Variants in MYLK4 observed in about 807,000 individuals in gnomAD.
The protein encoded by MYLK4 is caMLCK like.
In MYLK4, 46 loss-of-function variants were observed where a neutral mutation model predicts 48.1. The observed-to-expected ratio is 0.96, with a 90% CI of 0.75 to 1.22. MYLK4 has a LOEUF of 1.22. MYLK4 is among the 50% of genes most tolerant of loss of function. The probability of loss-of-function intolerance (pLI) is 0.00; values close to 1 mark genes in which losing one functional copy is unlikely to be tolerated. For missense variants in MYLK4, 451 were observed against 486.1 expected (o/e 0.93, Z 0.68); for synonymous variants, 170 against 180.8 (o/e 0.94, Z 0.48).
In MYLK4 at chr6:2,685,446, G is replaced by A. The variant is rs755560165; in HGVS notation, c.435+37C>T. 20 of 1,604,932 alleles carry A rather than the reference G, an allele frequency of 1.2e-5. No individual in the cohort carries two copies. Among genetic ancestry groups the A allele is most frequent in the Non-Finnish European group, 1.4e-5 (16 of 1,172,092 alleles). ...CAGTGCATTAGTGTGGTCAAGATGG[G>A]GCGGGGAGGGAGGGGACCACCTCCC... On this transcript the variant is annotated intron_variant, in intron 5 of 12. Coordinates refer to ENST00000274643, the MANE Select transcript of MYLK4 (RefSeq NM_001012418.5). The surrounding 1 kb of genome is among the most constrained non-coding windows in gnomAD (Gnocchi z 4.5).
chr6:2,764,877 C>CAA, the MYLK4 span, among the ~76,000 whole-genome samples: 5 of 152,180 alleles, frequency 3.3e-5, no homozygotes, highest in African/African-American at 1.2e-4. Context: ...TTCTTTCACT[C>CAA]GCGTACTTGT....
the MYLK4 span, among the ~76,000 whole-genome samples, chr6:2,763,808 C>G: frequency 1.3e-5 from 2 of 151,962 alleles, no homozygotes; most frequent in African/African-American, 4.8e-5. Flanking sequence ...ACTGAGAGGG[C>G]TGCCAGAATG....
chr6:2,767,727 G>A, the MYLK4 span, among the ~76,000 whole-genome samples: 2 of 152,212 alleles, frequency 1.3e-5, no homozygotes, highest in South Asian at 2.1e-4. Flanking sequence ...CAGACAGCAA[G>A]AAGGTCCTTA....
chr6:2,713,389 A>AG (rs1397901264), intron 2 of MYLK4, among the ~76,000 whole-genome samples: 17 of 11,280 alleles, frequency 1.5e-3, no homozygotes, highest in Non-Finnish European at 2.6e-3. Flanking sequence ...AAAAAAAAAG[A>AG]AAAAAAGAAA....
the MYLK4 span, chr6:2,768,844 T>C: frequency 6.2e-7 from 1 of 1,613,352 alleles, no homozygotes; most frequent in East Asian, 2.2e-5. Context: ...AACCATCCTT[T>C]TTATTGATGA....
intron 2 of MYLK4, among the ~76,000 whole-genome samples, chr6:2,727,014 G>A (rs1763303065): frequency 6.6e-6 from 1 of 152,196 alleles, no homozygotes; most frequent in African/African-American, 2.4e-5. Flanking sequence ...GATCAGTTTT[G>A]TGACACAAAA....
At chr6:2,712,279 C>T (rs978581622) in intron 2 of MYLK4, among the ~76,000 whole-genome samples, 5 of 152,194 alleles carry the variant, frequency 3.3e-5, no homozygotes, top group South Asian at 4.1e-4. Flanking sequence ...TGTCCATCAA[C>T]GGCAGTCACC....
rs1220915321 is a variant in MYLK4 at position 2,667,269 on chromosome 6, C to T, written c.*656G>A. On this transcript the variant is annotated 3_prime_UTR_variant, in exon 13 of 13. Coordinates refer to ENST00000274643, the MANE Select transcript of MYLK4 (RefSeq NM_001012418.5). ...TCAGCTACATGGAAGAAAACGCACG[C>T]TGGGGACAATTCAGAATAAATGAAA... The T allele has an allele frequency of 1.3e-5, 2 of 152,200 alleles. No individual in the cohort carries two copies. Among genetic ancestry groups the T allele is most frequent in the Admixed American group, 6.5e-5 (1 of 15,290 alleles). 9.4% of individuals were successfully genotyped at this position (152,200 alleles called of 1,614,324 possible).
At chr6:2,765,779 G>A in the MYLK4 span, 1 of 1,443,120 alleles carries the variant, frequency 6.9e-7, no homozygotes, top group Non-Finnish European at 9.1e-7. Flanking sequence ...GCCCGCGGCC[G>A]GGTCGCACCG....
At chr6:2,742,279 G>A (rs56741664) in intron 2 of MYLK4, among the ~76,000 whole-genome samples, 2,692 of 152,262 alleles carry the variant, frequency 0.018, 75 homozygotes, top group African/African-American at 0.062. Flanking sequence ...AGAGCTCTCC[G>A]ACTTCTGAAC....
intron 2 of MYLK4, among the ~76,000 whole-genome samples, chr6:2,746,266 C>CAAAAAAAG (rs138621357): frequency 2.7e-5 from 4 of 146,044 alleles, no homozygotes; most frequent in South Asian, 2.2e-4. Flanking sequence ...GACTCCGTCT[C>CAAAAAAAG]AAAAAAAGAA....
intron 3 of MYLK4, 138 bp downstream of exon 3, chr6:2,692,646 G>GAA (rs1761850269): frequency 7.4e-6 from 4 of 540,148 alleles, no homozygotes; most frequent in Admixed American, 4.3e-5. Context: ...AAAAAAAGGG[G>GAA]GGGGGGGGCA....
At chr6:2,756,598 C>G in the MYLK4 span, among the ~76,000 whole-genome samples, 6 of 152,168 alleles carry the variant, frequency 3.9e-5, no homozygotes, top group African/African-American at 1.4e-4. Flanking sequence ...AGTTCACACT[C>G]ATACTGATAT....
At chr6:2,681,420 G>A (rs1293368372) in intron 7 of MYLK4, among the ~76,000 whole-genome samples, 1 of 152,196 alleles carries the variant, frequency 6.6e-6, no homozygotes, top group African/African-American at 2.4e-5. Context: ...AGAAGGGGGT[G>A]CTACGTGAAC....
chr6:2,675,836 T>C (rs541290932), intron 10 of MYLK4, among the ~76,000 whole-genome samples: 21 of 152,324 alleles, frequency 1.4e-4, no homozygotes, highest in Non-Finnish European at 1.6e-4. Context: ...CTCATGCCTG[T>C]AATCCCAGCA....
At chr6:2,726,759 C>T (rs1377236650) in intron 2 of MYLK4, among the ~76,000 whole-genome samples, 2 of 151,982 alleles carry the variant, frequency 1.3e-5, no homozygotes, top group Middle Eastern at 3.4e-3. Flanking sequence ...ATTACAGGCG[C>T]CCGCCACCAT....
At chr6:2,681,347 T>A (rs576675123) in intron 7 of MYLK4, among the ~76,000 whole-genome samples, 1 of 152,292 alleles carries the variant, frequency 6.6e-6, no homozygotes, top group African/African-American at 2.4e-5. Context: ...GGGCAGAATA[T>A]CTTTGGAAGC....
Position 2,749,425 on chromosome 6 carries a change from C to A in MYLK4, c.-112-19G>T. 1.4e-6 allele frequency: 1 copy of A among 706,946 alleles called. No individual in the cohort carries two copies. The highest frequency in any genetic ancestry group is 1.8e-5 in the African/African-American group (1 of 57,034). 43.8% of individuals were successfully genotyped at this position (706,946 alleles called of 1,614,324 possible). A position where few individuals can be genotyped will look rare whatever the true frequency, so the allele number is the denominator to read the frequency against. On this transcript the variant is annotated intron_variant, in intron 1 of 12. Coordinates refer to ENST00000274643, the MANE Select transcript of MYLK4 (RefSeq NM_001012418.5). Reference sequence around the variant, plus strand: ...CTCTTGACTGCAAAGAAAGGAAACACAAAAAGTTCTCATCACGTATTCATG... The same window carrying A: ...CTCTTGACTGCAAAGAAAGGAAACAAAAAAAGTTCTCATCACGTATTCATG...
chr6:2,711,187 G>C (rs1327927407), intron 2 of MYLK4, among the ~76,000 whole-genome samples: 3 of 152,234 alleles, frequency 2.0e-5, no homozygotes, highest in Admixed American at 6.5e-5. Flanking sequence ...ACACGTATCA[G>C]TGCCACAGTT....
Sources: gnomAD v4.1 joint callset for allele counts (sites outside exome capture counted in the v4.1 genomes callset) on GRCh38, gnomAD v4.1.1 for gene constraint, Gnocchi (gnomAD v3.1) non-coding constraint, MANE v1.5 for transcripts, NCBI Gene and HGNC (gene_info 2026-07-23, HGNC 2026-07-21) for gene names.